The following CNTNAP5 variants were observed in gnomAD, a reference collection of about 807,000 sequenced individuals.
CNTNAP5 encodes the protein contactin associated protein family member 5.
A neutral mutation model predicts 150.2 loss-of-function variants in CNTNAP5; 72 were observed. That is an observed-to-expected ratio of 0.48 (90% CI 0.40 to 0.58). The LOEUF is 0.58. Ranked by LOEUF, CNTNAP5 falls within the 20% of genes least tolerant of loss-of-function variation. The probability of loss-of-function intolerance (pLI) is 0.00; values close to 1 mark genes in which losing one functional copy is unlikely to be tolerated. For synonymous variants in CNTNAP5, 672 were observed against 619.8 expected (o/e 1.08, Z -1.25); for missense variants, 1,636 against 1,626.2 (o/e 1.01, Z -0.10).
chr2:124,354,831 T>C (rs1356714566), intron 3 of CNTNAP5, among the ~76,000 whole-genome samples: 1 of 152,120 alleles, frequency 6.6e-6, no homozygotes, highest in Non-Finnish European at 1.5e-5. Flanking sequence ...TTTAAAAATA[T>C]GACCAGATTT....
intron 3 of CNTNAP5, among the ~76,000 whole-genome samples, chr2:124,265,601 A>T (rs1033419247): frequency 6.6e-6 from 1 of 152,200 alleles, no homozygotes; most frequent in Non-Finnish European, 1.5e-5. Context: ...TGCCTGGCAG[A>T]GATTACAGCA....
chr2:124,851,174 G>T (rs1573660426), intron 19 of CNTNAP5, among the ~76,000 whole-genome samples: 1 of 152,168 alleles, frequency 6.6e-6, no homozygotes, highest in South Asian at 2.1e-4. Flanking sequence ...AGACCAGCCT[G>T]GCCAACATGG....
chr2:124,221,295 A>G (rs894046298), intron 1 of CNTNAP5, among the ~76,000 whole-genome samples: 2 of 152,146 alleles, frequency 1.3e-5, no homozygotes, highest in Non-Finnish European at 2.9e-5. Context: ...AGAGTAGTCA[A>G]ACAATGTTTC....
intron 3 of CNTNAP5, among the ~76,000 whole-genome samples, chr2:124,246,707 T>G (rs1194842391): frequency 6.6e-6 from 1 of 152,086 alleles, no homozygotes; most frequent in Non-Finnish European, 1.5e-5. Context: ...TGTTGAGCCC[T>G]TTCCTTCATG....
At chr2:124,271,276 A>C (rs2104612931) in intron 3 of CNTNAP5, among the ~76,000 whole-genome samples, 1 of 152,268 alleles carries the variant, frequency 6.6e-6, no homozygotes, top group Middle Eastern at 3.4e-3. Flanking sequence ...AAATTCCATA[A>C]GAGGAGAACA....
Position 124,061,663 on chromosome 2 carries a change from A to G in CNTNAP5, c.82+35931A>G, listed in dbSNP as rs180784730. Reference sequence around the variant, plus strand: ...TATATCTAAGACACACACACACATCATTGACAAATAAGAAAAAAATAGCAC... The same window carrying G: ...TATATCTAAGACACACACACACATCGTTGACAAATAAGAAAAAAATAGCAC... On this transcript the variant is annotated intron_variant, in intron 1 of 23. Coordinates refer to ENST00000682447, the MANE Select transcript of CNTNAP5 (RefSeq NM_001367498.1). Among the ~76,000 whole-genome samples the G allele has an allele frequency of 2.0e-5, 3 of 152,336 alleles. No homozygotes were observed. The East Asian group carries it at 5.8e-4, about 29-fold the overall frequency.
intron 11 of CNTNAP5, among the ~76,000 whole-genome samples, chr2:124,588,157 TTTCC>T (rs1553482424): frequency 1.5e-4 from 12 of 79,280 alleles, no homozygotes; most frequent in South Asian, 4.9e-4. Context: ...CTTCCTTCCT[TTTCC>T]TTCCTTCCTT....
chr2:124,228,356 A>G (rs1190354958), intron 2 of CNTNAP5, among the ~76,000 whole-genome samples: 1 of 152,172 alleles, frequency 6.6e-6, no homozygotes, highest in African/African-American at 2.4e-5. Context: ...TCAAATGCCA[A>G]TATTTTCCAT....
At chr2:124,608,985 C>T (rs951196082) in intron 11 of CNTNAP5, among the ~76,000 whole-genome samples, 8 of 152,022 alleles carry the variant, frequency 5.3e-5, no homozygotes, top group Non-Finnish European at 1.0e-4. Context: ...AGTAAAAAGC[C>T]ATACTGTATG....
chr2:124,503,965 T>C (rs182373532), intron 7 of CNTNAP5, among the ~76,000 whole-genome samples: 75 of 152,322 alleles, frequency 4.9e-4, no homozygotes, highest in African/African-American at 1.6e-3. Flanking sequence ...GCTTGGCACA[T>C]AGTTGACTTG....
chr2:124,522,032 G>C (rs1297540556), intron 8 of CNTNAP5, among the ~76,000 whole-genome samples: 1 of 152,126 alleles, frequency 6.6e-6, no homozygotes, highest in Non-Finnish European at 1.5e-5. Flanking sequence ...GAGAGATCTG[G>C]CTGAAAACAC....
intron 1 of CNTNAP5, among the ~76,000 whole-genome samples, chr2:124,149,173 T>C (rs905919765): frequency 1.4e-4 from 21 of 152,120 alleles, no homozygotes; most frequent in African/African-American, 4.8e-4. Flanking sequence ...CATCCAGATC[T>C]GCTCCAGTTA....
In CNTNAP5 at chr2:124,504,542, C is replaced by A. The variant is rs750755912; in HGVS notation, c.1313C>A (p.Ala438Asp). 5 of 1,613,508 alleles carry A rather than the reference C, an allele frequency of 3.1e-6. No individual in the cohort carries two copies. Among genetic ancestry groups the A allele is most frequent in the Non-Finnish European group, 4.2e-6 (5 of 1,179,810 alleles). Reference protein sequence around the residue: ...LVIQKMTERVAEILTGSNLND... With the variant: ...LVIQKMTERVDEILTGSNLND... Reference sequence around the variant, plus strand: ...ATTCAGAAAATGACAGAACGCGTAGCTGAAATCCTCACAGGTACTGTCTGC... The same window carrying A: ...ATTCAGAAAATGACAGAACGCGTAGATGAAATCCTCACAGGTACTGTCTGC... Residue 438 changes from alanine to aspartate, a missense_variant, in exon 8 of 24, where the codon GCT becomes GAT. Transcript: ENST00000682447.
chr2:124,555,420 C>A (rs921202952), intron 10 of CNTNAP5, among the ~76,000 whole-genome samples: 4 of 152,152 alleles, frequency 2.6e-5, no homozygotes, highest in South Asian at 2.1e-4. Flanking sequence ...CCATAACATC[C>A]ACAGTTGGCT....
At chr2:124,194,405 ATATATAAATAT>A (rs1573825573) in intron 1 of CNTNAP5, among the ~76,000 whole-genome samples, 337 of 6,090 alleles carry the variant, frequency 0.055, 8 homozygotes, top group Middle Eastern at 0.17. Context: ...ATATATATAT[ATATATAAATAT>A]AAATAGGTGT....
At chr2:124,905,117 TTTTTTTTTG>T (rs1401397479) in intron 22 of CNTNAP5, among the ~76,000 whole-genome samples, 11 of 110,594 alleles carry the variant, frequency 9.9e-5, no homozygotes, top group South Asian at 3.0e-4. Context: ...TTTTTTTTTG[TTTTTTTTTG>T]TTTTTTTTTT....
intron 13 of CNTNAP5, among the ~76,000 whole-genome samples, chr2:124,735,711 G>A (rs980136886): frequency 1.3e-5 from 2 of 152,132 alleles, no homozygotes; most frequent in Non-Finnish European, 2.9e-5. Flanking sequence ...GGAGCCATAA[G>A]ATCTAAATTC....
chr2:124,849,628 A>G (rs1302292375), intron 19 of CNTNAP5, among the ~76,000 whole-genome samples: 1 of 152,194 alleles, frequency 6.6e-6, no homozygotes, highest in Non-Finnish European at 1.5e-5. Context: ...TGGGGGTGGT[A>G]TGGACATTTT....
chr2:124,527,932 A>G (rs1244804261), intron 10 of CNTNAP5, among the ~76,000 whole-genome samples: 1 of 152,136 alleles, frequency 6.6e-6, no homozygotes, highest in African/African-American at 2.4e-5. Flanking sequence ...TTTTGCTCTT[A>G]CTGCCCCTAC....
Sources: allele counts gnomAD v4.1 joint callset (sites outside exome capture counted in the v4.1 genomes callset), GRCh38; gene constraint gnomAD v4.1.1; transcripts MANE v1.5; gene names NCBI Gene and HGNC (gene_info 2026-07-23, HGNC 2026-07-21).